The following THSD7B variants were observed in gnomAD, a reference collection of about 807,000 sequenced individuals.
The protein encoded by THSD7B is thrombospondin type 1 domain containing 7B, also known as thrombospondin type-1 domain-containing protein 7B.
A neutral mutation model predicts 213.6 loss-of-function variants in THSD7B; 138 were observed. That is an observed-to-expected ratio of 0.65 (90% CI 0.56 to 0.74). THSD7B has a LOEUF of 0.74. Ranked by LOEUF, THSD7B falls within the 30% of genes least tolerant of loss-of-function variation. The probability of loss-of-function intolerance (pLI) is 0.00; values close to 1 mark genes in which losing one functional copy is unlikely to be tolerated. For synonymous variants in THSD7B, 742 were observed against 687.0 expected (o/e 1.08, Z -1.25); for missense variants, 1,931 against 1,991.5 (o/e 0.97, Z 0.58).
intron 17 of THSD7B, among the ~76,000 whole-genome samples, chr2:137,589,242 C>G (rs533441457): frequency 2.6e-5 from 4 of 152,058 alleles, no homozygotes; most frequent in African/African-American, 9.6e-5. Context: ...TAAAAAAATA[C>G]TTATTTAAGT....
At chr2:137,124,181 C>T (rs1202158367) in intron 5 of THSD7B, among the ~76,000 whole-genome samples, 1 of 152,148 alleles carries the variant, frequency 6.6e-6, no homozygotes, top group Non-Finnish European at 1.5e-5. Context: ...TTGAGCGTCT[C>T]GCTCATCTTC....
intron 12 of THSD7B, among the ~76,000 whole-genome samples, chr2:137,282,375 G>A (rs1319350824): frequency 1.5e-4 from 23 of 152,120 alleles, no homozygotes; most frequent in Admixed American, 1.5e-3. Flanking sequence ...TCTGATGGTA[G>A]TTTCTTTCGC....
intron 21 of THSD7B, among the ~76,000 whole-genome samples, chr2:137,646,681 T>TAATAATAATAATAATAATAATAAA (rs879335014): frequency 3.0e-4 from 44 of 148,176 alleles, no homozygotes; most frequent in South Asian, 1.7e-3. Context: ...ATAATAATAA[T>TAATAATAATAATAATAATAATAAA]AAACACTTCA....
chr2:136,949,994 C>G (rs1396193627), intron 2 of THSD7B, among the ~76,000 whole-genome samples: 1 of 152,210 alleles, frequency 6.6e-6, no homozygotes, highest in African/African-American at 2.4e-5. Flanking sequence ...CGCAACACGC[C>G]TGTAATCGTA....
intron 12 of THSD7B, among the ~76,000 whole-genome samples, chr2:137,394,626 G>A (rs1309844374): frequency 7.3e-6 from 1 of 137,368 alleles, no homozygotes. Context: ...TTTGGCTTAG[G>A]ATTGCCTTGG....
intron 7 of THSD7B, among the ~76,000 whole-genome samples, chr2:137,186,464 A>G (rs1292494917): frequency 6.6e-6 from 1 of 150,750 alleles, no homozygotes; most frequent in East Asian, 1.9e-4. Context: ...TTATCCCAGC[A>G]CCATTTATGG....
At chr2:137,348,703 C>CTTTTTTTTTTTTTTTT (rs80150345) in intron 12 of THSD7B, among the ~76,000 whole-genome samples, 12 of 110,934 alleles carry the variant, frequency 1.1e-4, no homozygotes, top group Non-Finnish European at 1.7e-4. Flanking sequence ...CTATGAACTC[C>CTTTTTTTTTTTTTTTT]TTTTTTTTTT....
chr2:137,062,408 C>T (rs923768220), intron 3 of THSD7B, among the ~76,000 whole-genome samples: 10 of 151,308 alleles, frequency 6.6e-5, no homozygotes, highest in Non-Finnish European at 1.3e-4. Flanking sequence ...TTCTAGTTTC[C>T]TAAGGTGGAA....
chr2:137,545,566 G>A lies in THSD7B; in HGVS notation c.3139-17655G>A, dbSNP rs1186241098. 2.0e-5 allele frequency among the ~76,000 whole-genome samples: 3 copies of A among 151,890 alleles called. No individual in the cohort carries two copies. The East Asian group carries it at 5.8e-4, about 29-fold the overall frequency. ...AATGAAGGATAGGAATCCAAGACAAGTAAAGTACTTGATGCTGCCCATCTC... is the reference window on the plus strand; with the variant it reads ...AATGAAGGATAGGAATCCAAGACAAATAAAGTACTTGATGCTGCCCATCTC... On this transcript the variant is annotated intron_variant, in intron 15 of 27. Coordinates refer to ENST00000409968, the MANE Select transcript of THSD7B (RefSeq NM_001316349.2).
Position 137,180,444 on chromosome 2 carries a change from G to C in THSD7B, c.1723+9506G>C, listed in dbSNP as rs115409527. Reference sequence around the variant, plus strand: ...ATATTAAAATTATGTTTATTTCTCTGTTTCTGCCATTTGACTCAGCTTCTC... The same window carrying C: ...ATATTAAAATTATGTTTATTTCTCTCTTTCTGCCATTTGACTCAGCTTCTC... On this transcript the variant is annotated intron_variant, in intron 7 of 27. Coordinates refer to ENST00000409968, the MANE Select transcript of THSD7B (RefSeq NM_001316349.2). 4.0e-3 allele frequency among the ~76,000 whole-genome samples: 608 copies of C among 152,120 alleles called. 7 individuals are homozygous for C. The highest frequency in any genetic ancestry group is 0.014 in the African/African-American group (567 of 41,498).
chr2:137,538,465 C>T (rs762486843), intron 15 of THSD7B: 2 of 516,524 alleles, frequency 3.9e-6, no homozygotes, highest in Non-Finnish European at 3.9e-6. Context: ...TTATCATGCA[C>T]TGCTAACATG....
At chr2:137,086,411 G>A (rs1158478868) in intron 3 of THSD7B, among the ~76,000 whole-genome samples, 2 of 151,820 alleles carry the variant, frequency 1.3e-5, no homozygotes, top group Non-Finnish European at 2.9e-5. Context: ...TTTTCTATCT[G>A]CCCACACCCC....
chr2:137,210,739 T>A (rs1458804354), intron 7 of THSD7B, among the ~76,000 whole-genome samples: 1 of 152,032 alleles, frequency 6.6e-6, no homozygotes, highest in East Asian at 1.9e-4. Context: ...TCTGAGAGTT[T>A]TGACATTTCT....
intron 5 of THSD7B, among the ~76,000 whole-genome samples, chr2:137,140,435 A>G (rs967710635): frequency 6.6e-6 from 1 of 152,136 alleles, no homozygotes; most frequent in Admixed American, 6.6e-5. Flanking sequence ...ATATTTTACT[A>G]TGTTTCCTTG....
At chr2:137,445,505 C>T (rs1687518341) in intron 14 of THSD7B, among the ~76,000 whole-genome samples, 1 of 151,794 alleles carries the variant, frequency 6.6e-6, no homozygotes, top group African/African-American at 2.4e-5. Flanking sequence ...ATAAGCCAGA[C>T]ACAGAAAGAC....
At chr2:137,539,520 A>G (rs916026360) in intron 15 of THSD7B, among the ~76,000 whole-genome samples, 13 of 151,748 alleles carry the variant, frequency 8.6e-5, no homozygotes, top group Non-Finnish European at 1.5e-4. Flanking sequence ...CATATGGTGT[A>G]TAAGTAAAGT....
chr2:137,186,138 T>C (rs1680546805), intron 7 of THSD7B, among the ~76,000 whole-genome samples: 2 of 152,172 alleles, frequency 1.3e-5, no homozygotes, highest in Non-Finnish European at 2.9e-5. Context: ...TAGGCCTTTG[T>C]TGGATGCAGA....
intron 14 of THSD7B, among the ~76,000 whole-genome samples, chr2:137,448,313 C>T (rs1453165427): frequency 6.6e-6 from 1 of 152,154 alleles, no homozygotes; most frequent in African/African-American, 2.4e-5. Flanking sequence ...AGGCCATCAA[C>T]CAAATTGGCA....
chr2:137,617,661 G>C (rs1682431842), intron 18 of THSD7B, among the ~76,000 whole-genome samples: 1 of 152,124 alleles, frequency 6.6e-6, no homozygotes, highest in South Asian at 2.1e-4. Context: ...TGGTGTCTTA[G>C]TCTGTCCTGG....
Sources: gnomAD v4.1 joint callset for allele counts (sites outside exome capture counted in the v4.1 genomes callset) on GRCh38, gnomAD v4.1.1 for gene constraint, MANE v1.5 for transcripts, NCBI Gene and HGNC (gene_info 2026-07-23, HGNC 2026-07-21) for gene names.